FBXO4: variants seen among roughly 807,000 people sequenced by gnomAD.
FBXO4 encodes F-box protein 4.
Under a neutral mutation model 43.7 loss-of-function variants are expected in FBXO4, and 36 were observed. That is an observed-to-expected ratio of 0.82 (90% CI 0.63 to 1.09). The LOEUF is 1.09. FBXO4 is among the 50% of genes least tolerant of loss of function. FBXO4 has a pLI of 0.00. For synonymous variants in FBXO4, 180 were observed against 165.6 expected (o/e 1.09, Z -0.67); for missense variants, 435 against 474.1 (o/e 0.92, Z 0.77).
chr5:41,940,060 A>G (rs1751965652), intron 6 of FBXO4, among the ~76,000 whole-genome samples: 1 of 151,640 alleles, frequency 6.6e-6, no homozygotes, highest in Non-Finnish European at 1.5e-5. Context: ...CATGTTGCCC[A>G]GGCTGATCTC....
chr5:41,970,409 A>C, the FBXO4 span, among the ~76,000 whole-genome samples: 3 of 152,058 alleles, frequency 2.0e-5, no homozygotes, highest in Non-Finnish European at 4.4e-5. Context: ...ATATTTGAGA[A>C]AAAGTTCTGT....
chr5:42,036,765 T>C, the FBXO4 span, among the ~76,000 whole-genome samples: 16 of 152,230 alleles, frequency 1.1e-4, no homozygotes, highest in East Asian at 3.1e-3. Flanking sequence ...AAATATATGA[T>C]ACAAACTTGT....
At chr5:41,998,793 C>G in the FBXO4 span, among the ~76,000 whole-genome samples, 1 of 152,206 alleles carries the variant, frequency 6.6e-6, no homozygotes, top group Non-Finnish European at 1.5e-5. Flanking sequence ...GGTTGCAGGT[C>G]AGCCACTCAC....
chr5:42,008,411 G>T, the FBXO4 span, among the ~76,000 whole-genome samples: 1 of 152,072 alleles, frequency 6.6e-6, no homozygotes, highest in Non-Finnish European at 1.5e-5. Context: ...GGGTAAATTT[G>T]GGCAGGCTGT....
At chr5:41,933,892 C>A (rs1751769066) in intron 3 of FBXO4, 54 bp from the exon 4 acceptor site, 3 of 1,459,202 alleles carry the variant, frequency 2.1e-6, no homozygotes, top group East Asian at 2.3e-5. Flanking sequence ...TCAGTGTGAT[C>A]TTTTGCTATT....
At chr5:42,023,904 C>T in the FBXO4 span, among the ~76,000 whole-genome samples, 2,435 of 152,056 alleles carry the variant, frequency 0.016, 123 homozygotes, top group East Asian at 0.1. Context: ...ACAAAGAAAA[C>T]TGTGGGCAAC....
intron 5 of FBXO4, among the ~76,000 whole-genome samples, chr5:41,938,205 G>A (rs1267666531): frequency 6.6e-6 from 1 of 152,148 alleles, no homozygotes; most frequent in Non-Finnish European, 1.5e-5. Flanking sequence ...AGAAAAATAT[G>A]TGATATAGAA....
chr5:42,027,604 C>A, the FBXO4 span, among the ~76,000 whole-genome samples: 2 of 151,502 alleles, frequency 1.3e-5, no homozygotes, highest in African/African-American at 4.8e-5. Context: ...TTTGCTCTTG[C>A]TTTTCTAGTT....
At chr5:41,994,536 C>G in the FBXO4 span, among the ~76,000 whole-genome samples, 1 of 152,158 alleles carries the variant, frequency 6.6e-6, no homozygotes, top group Non-Finnish European at 1.5e-5. Flanking sequence ...TGGGCCATTT[C>G]TAGCCCTGCC....
chr5:41,956,712 CTT>C, the FBXO4 span, among the ~76,000 whole-genome samples: 19 of 126,652 alleles, frequency 1.5e-4, no homozygotes, highest in Admixed American at 2.4e-4. Flanking sequence ...TTTTCTTCTT[CTT>C]TTTTTTTTTT....
At chr5:41,926,540 T>C (rs944986152) in intron 1 of FBXO4, among the ~76,000 whole-genome samples, 2 of 152,338 alleles carry the variant, frequency 1.3e-5, no homozygotes, top group South Asian at 2.1e-4. Context: ...GCCACTGCAC[T>C]CCAGCCTGGG....
In FBXO4 at chr5:41,927,055, G is replaced by A. The variant is rs751393913; in HGVS notation, c.232G>A (p.Asp78Asn). The A allele has an allele frequency of 6.2e-7, 1 of 1,613,496 alleles. No individual in the cohort carries two copies. The highest frequency in any genetic ancestry group is 8.5e-7 in the Non-Finnish European group (1 of 1,179,802). ...LYILSFLSPH[D>N]LCQLGSTNHY... ...TATTTTGTCCTTTCTTTCACCTCAT[G>A]ATCTGTGTCAGTTGGGAAGTACAAA... Residue 78 changes from aspartate to asparagine, a missense_variant, in exon 2 of 7, where the codon GAT becomes AAT. Coordinates refer to ENST00000281623, the MANE Select transcript of FBXO4 (RefSeq NM_012176.3).
chr5:42,032,650 G>A, the FBXO4 span, among the ~76,000 whole-genome samples: 1 of 152,254 alleles, frequency 6.6e-6, no homozygotes, highest in South Asian at 2.1e-4. Context: ...CTGGCCCAGG[G>A]CAGGTCTAGA....
At chr5:42,001,142 T>A in the FBXO4 span, among the ~76,000 whole-genome samples, 1 of 152,236 alleles carries the variant, frequency 6.6e-6, no homozygotes, top group African/African-American at 2.4e-5. Flanking sequence ...AGGAACTGCA[T>A]TGGCTCTCTA....
At chr5:42,023,504 A>C in the FBXO4 span, among the ~76,000 whole-genome samples, 1 of 152,062 alleles carries the variant, frequency 6.6e-6, no homozygotes, top group Non-Finnish European at 1.5e-5. Context: ...CATGGTCTAT[A>C]ATAAGCCAGT....
downstream of FBXO4, among the ~76,000 whole-genome samples, chr5:41,945,248 T>C (rs972481757): frequency 2.6e-5 from 4 of 152,246 alleles, no homozygotes; most frequent in Non-Finnish European, 5.9e-5. Context: ...GATTGTTTAT[T>C]CTATTTTGTT....
Position 41,941,192 on chromosome 5 carries a change from G to A in FBXO4, c.1075G>A (p.Val359Ile). Residue 359 changes from valine to isoleucine, a missense_variant and splice_region_variant, in exon 7 of 7, where the codon GTC becomes ATC. Transcript: ENST00000281623. ...AACATTCTCTCTTATGTATTCCGAG[G>A]TCCAGGATACAGAGGCTGAAACTCT... is the stretch of plus-strand genomic sequence containing the variant. ...HLNLLNHPWL[V>I]QDTEAETLTG... 1 of 1,612,860 alleles carries A rather than the reference G, an allele frequency of 6.2e-7. No homozygotes were observed. The highest frequency in any genetic ancestry group is 1.3e-5 in the African/African-American group (1 of 74,968).
downstream of FBXO4, among the ~76,000 whole-genome samples, chr5:41,945,202 CTA>C (rs1752060924): frequency 6.6e-6 from 1 of 152,062 alleles, no homozygotes; most frequent in Non-Finnish European, 1.5e-5. Context: ...TTCAATACAA[CTA>C]TGTAAAGGAA....
chr5:42,039,870 T>C, the FBXO4 span, among the ~76,000 whole-genome samples: 62,047 of 151,916 alleles, frequency 0.41, 14,710 homozygotes, highest in African/African-American at 0.66. Context: ...TTTTCCGGAG[T>C]TCAGAGACTG....
Sources: allele counts gnomAD v4.1 joint callset (sites outside exome capture counted in the v4.1 genomes callset), GRCh38; gene constraint gnomAD v4.1.1; transcripts MANE v1.5; gene names NCBI Gene and HGNC (gene_info 2026-07-23, HGNC 2026-07-21).